The following POLD3 variants were observed in gnomAD, a reference collection of about 807,000 sequenced individuals.
POLD3 encodes the protein DNA polymerase delta subunit 3.
Under a neutral mutation model 58.2 loss-of-function variants are expected in POLD3, and 19 were observed. The ratio of observed to expected loss-of-function variants is 0.33; its 90% confidence interval spans 0.23 to 0.48. The LOEUF (loss-of-function observed/expected upper bound fraction) is 0.48. Ranked by LOEUF, POLD3 falls within the 20% of genes least tolerant of loss-of-function variation. The probability of loss-of-function intolerance (pLI) is 0.99; values close to 1 mark genes in which losing one functional copy is unlikely to be tolerated. For missense variants in POLD3, 504 were observed against 545.5 expected (o/e 0.92, Z 0.76); for synonymous variants, 172 against 193.5 (o/e 0.89, Z 0.92).
At chr11:74,606,269 C>T (rs1017493600) in intron 3 of POLD3, among the ~76,000 whole-genome samples, 24 of 152,194 alleles carry the variant, frequency 1.6e-4, no homozygotes, top group African/African-American at 5.5e-4. Context: ...AGACGTAACT[C>T]ATTTACTTGC....
chr11:74,626,340 A>C (rs891175795), intron 8 of POLD3, among the ~76,000 whole-genome samples: 2 of 152,224 alleles, frequency 1.3e-5, no homozygotes, highest in African/African-American at 4.8e-5. Flanking sequence ...CAGTGCATTC[A>C]GTATTTCACT....
At chr11:74,617,688 C>T (rs2032121782) in intron 5 of POLD3, among the ~76,000 whole-genome samples, 2 of 152,142 alleles carry the variant, frequency 1.3e-5, no homozygotes, top group South Asian at 2.1e-4. Flanking sequence ...GCGTGAGCCA[C>T]TGCACCTGGC....
chr11:74,612,994 T>G lies in POLD3; in HGVS notation c.376T>G (p.Leu126Val), dbSNP rs1367909190. The G allele has an allele frequency of 1.1e-5, 17 of 1,609,158 alleles. No individual in the cohort carries two copies. In the Admixed American group the frequency reaches 2.9e-4, roughly 28 times the overall value. ...TGACTATGACATCCTTAAAAGCAAC[T>G]TGCAGAACTGCAGCAAGTAAGCGTC... ...NTDYDILKSN[L>V]QNCSKFSAIQ... is the part of the protein sequence containing the mutation. Residue 126 changes from leucine to valine, a missense_variant, in exon 5 of 12, where the codon TTG becomes GTG. Physicochemically the swap from Leu to Val is conservative, Grantham distance 32 (BLOSUM62 1). Around this residue, in one of 2 missense-constraint regions of POLD3, gnomAD observed 119 missense variants for 175.0 expected, o/e 0.68. Transcript: ENST00000263681.
At chr11:74,654,884 T>C (rs1012251573) in intron 4 of POLD3, among the ~76,000 whole-genome samples, 1 of 152,146 alleles carries the variant, frequency 6.6e-6, no homozygotes, top group African/African-American at 2.4e-5. Context: ...GAGGTCCTGG[T>C]TGGAGCAAGC....
intron 4 of POLD3, among the ~76,000 whole-genome samples, chr11:74,668,522 A>G (rs967075152): frequency 6.6e-6 from 1 of 152,250 alleles, no homozygotes; most frequent in African/African-American, 2.4e-5. Context: ...CTGGAAAGGT[A>G]TAGCATACAA....
chr11:74,634,777 C>T (rs1212309741), intron 10 of POLD3, 82 bp downstream of exon 10: 2 of 807,006 alleles, frequency 2.5e-6, no homozygotes, highest in Non-Finnish European at 4.4e-6. Flanking sequence ...AATTAGTTCC[C>T]TTGCTGTATA....
At chr11:74,608,200 T>C (rs2031762619) in intron 3 of POLD3, among the ~76,000 whole-genome samples, 1 of 152,208 alleles carries the variant, frequency 6.6e-6, no homozygotes, top group Non-Finnish European at 1.5e-5. Flanking sequence ...TGTTTTGCCT[T>C]GAACTCCTGG....
At chr11:74,663,438 A>G (rs2033228971) in intron 4 of POLD3, among the ~76,000 whole-genome samples, 1 of 152,254 alleles carries the variant, frequency 6.6e-6, no homozygotes, top group African/African-American at 2.4e-5. Context: ...GTAATAAGAC[A>G]GAGGTGAAGA....
chr11:74,603,732 G>T (rs920146449), intron 2 of POLD3, among the ~76,000 whole-genome samples: 43 of 152,202 alleles, frequency 2.8e-4, no homozygotes, highest in African/African-American at 1.0e-3. Flanking sequence ...GAAGCTGAGA[G>T]AGCAGGCTCT....
At chr11:74,639,862 G>A (rs1021066555) in intron 11 of POLD3, among the ~76,000 whole-genome samples, 2 of 152,040 alleles carry the variant, frequency 1.3e-5, no homozygotes, top group African/African-American at 4.8e-5. Context: ...ATTTATCACT[G>A]TCATTCCTTT....
chr11:74,667,867 A>G (rs1225044944), intron 4 of POLD3, among the ~76,000 whole-genome samples: 1 of 152,258 alleles, frequency 6.6e-6, no homozygotes, highest in Non-Finnish European at 1.5e-5. Flanking sequence ...TTAAAACTCA[A>G]TAGCGAAAGG....
At chr11:74,658,409 C>G (rs1476973663) in intron 4 of POLD3, among the ~76,000 whole-genome samples, 2 of 152,146 alleles carry the variant, frequency 1.3e-5, no homozygotes, top group Non-Finnish European at 2.9e-5. Context: ...CTGCTCCTGG[C>G]CCCTCCAAAT....
At chr11:74,660,758 C>T (rs375527765) in intron 4 of POLD3, among the ~76,000 whole-genome samples, 132 of 152,240 alleles carry the variant, frequency 8.7e-4, no homozygotes, top group African/African-American at 3.1e-3. Context: ...CTTCACCTTC[C>T]GCCATGATTG....
chr11:74,643,726 G>A (rs1484443126), downstream of POLD3, among the ~76,000 whole-genome samples: 1 of 152,236 alleles, frequency 6.6e-6, no homozygotes, highest in African/African-American at 2.4e-5. Flanking sequence ...GATTTGATTT[G>A]TAGATAATGG....
Position 74,635,424 on chromosome 11 carries a change from T to C in POLD3, c.1119+729T>C, listed in dbSNP as rs535913652. Among the ~76,000 whole-genome samples, 6 of 152,322 alleles carry C rather than the reference T, an allele frequency of 3.9e-5. No homozygotes were observed. The South Asian group carries it at 1.2e-3, about 32-fold the overall frequency. The stretch of plus-strand genomic sequence containing the variant: ...GTCAAGGCTGGCCAGGCGTGTTGGC[T>C]CACACCTGTAATCCCAGCACTTTGG... On this transcript the variant is annotated intron_variant, in intron 10 of 11. Transcript: ENST00000263681.
chr11:74,624,696 G>C (rs1247539246), intron 7 of POLD3, among the ~76,000 whole-genome samples: 1 of 152,102 alleles, frequency 6.6e-6, no homozygotes, highest in East Asian at 1.9e-4. Context: ...TCTCCCTGCT[G>C]CACTGTAGTC....
chr11:74,625,871 T>TTTTGTGTGTGTGTGTGTGTGTGTG (rs142784051), intron 8 of POLD3, among the ~76,000 whole-genome samples: 6 of 143,680 alleles, frequency 4.2e-5, no homozygotes, highest in African/African-American at 1.5e-4. Flanking sequence ...GTGTGCCTAG[T>TTTTGTGTGTGTGTGTGTGTGTGTG]TGTGTGTGTG....
chr11:74,621,573 T>C (rs958812995), intron 7 of POLD3, among the ~76,000 whole-genome samples: 1 of 152,174 alleles, frequency 6.6e-6, no homozygotes, highest in African/African-American at 2.4e-5. Flanking sequence ...AGAAGTATGC[T>C]TATTTAAATC....
intron 3 of POLD3, among the ~76,000 whole-genome samples, chr11:74,606,603 T>G (rs1208867736): frequency 6.6e-6 from 1 of 152,224 alleles, no homozygotes; most frequent in Non-Finnish European, 1.5e-5. Context: ...GAATTTACGT[T>G]TTGAGATAAT....
Sources: allele counts gnomAD v4.1 joint callset (sites outside exome capture counted in the v4.1 genomes callset), GRCh38; gene constraint gnomAD v4.1.1; regional missense constraint gnomAD v4.1.1; transcripts MANE v1.5; gene names NCBI Gene and HGNC (gene_info 2026-07-23, HGNC 2026-07-21).